The following HPSE2 variants were observed in gnomAD, a reference collection of about 807,000 sequenced individuals.
HPSE2 encodes inactive heparanase-2.
HPSE2 carries 38 observed loss-of-function variants against 60.5 expected under a neutral mutation model. The observed-to-expected ratio is 0.63, with a 90% CI of 0.48 to 0.82. The LOEUF (loss-of-function observed/expected upper bound fraction) is 0.82, where lower values mean the gene tolerates loss of function less well. Among genes scored for constraint, HPSE2 ranks in the 40% least tolerant of loss-of-function variants. The pLI is 0.00. For synonymous variants in HPSE2, 295 were observed against 293.2 expected (o/e 1.01, Z -0.06); for missense variants, 713 against 740.4 (o/e 0.96, Z 0.43).
At position 99,235,661 on chromosome 10, in the gene HPSE2, G is replaced by A; in HGVS notation, c.142C>T (p.Pro48Ser). The change falls in exon 1 of 12, where the codon CCT (proline) becomes TCT (serine). Residue 48 changes from proline to serine, a missense_variant. Pro to Ser is a moderately conservative substitution (Grantham distance 74, BLOSUM62 -1). Transcript: ENST00000370552. Reference sequence around the variant, plus strand: ...TTCAAACCTGCAGCTCTGTCTACAGGCAAGGGTCTCCTGTCTCCAGCCTGG... The same window carrying A: ...TTCAAACCTGCAGCTCTGTCTACAGACAAGGGTCTCCTGTCTCCAGCCTGG... Reference protein sequence around the residue: ...SSQAGDRRPLPVDRAAGLKEK... With the variant: ...SSQAGDRRPLSVDRAAGLKEK... 2 of 1,614,040 alleles carry A rather than the reference G, an allele frequency of 1.2e-6. No individual in the cohort carries two copies. Among genetic ancestry groups the A allele is most frequent in the Middle Eastern group, 1.6e-4 (1 of 6,062 alleles).
At chr10:98,596,989 G>A (rs1445672229) in intron 9 of HPSE2, among the ~76,000 whole-genome samples, 2 of 152,106 alleles carry the variant, frequency 1.3e-5, no homozygotes, top group Non-Finnish European at 2.9e-5. Flanking sequence ...ACAATATGGT[G>A]GAAGGGGAAA....
intron 11 of HPSE2, among the ~76,000 whole-genome samples, chr10:98,475,141 G>A (rs533907240): frequency 1.4e-5 from 2 of 143,072 alleles, no homozygotes; most frequent in East Asian, 4.0e-4. Context: ...TTTTTGAGAC[G>A]GAGTCTCGCT....
At chr10:98,676,201 T>C (rs1310638115) in intron 6 of HPSE2, among the ~76,000 whole-genome samples, 1 of 152,172 alleles carries the variant, frequency 6.6e-6, no homozygotes, top group African/African-American at 2.4e-5. Context: ...GTGGCCAGTG[T>C]TATTAACTAT....
chr10:99,057,090 T>G (rs1467513067), intron 3 of HPSE2, among the ~76,000 whole-genome samples: 1 of 152,184 alleles, frequency 6.6e-6, no homozygotes, highest in Non-Finnish European at 1.5e-5. Flanking sequence ...ACTTTCTGGG[T>G]GATGAAAATG....
intron 9 of HPSE2, among the ~76,000 whole-genome samples, chr10:98,505,163 C>T (rs1325461319): frequency 1.3e-5 from 2 of 152,084 alleles, no homozygotes; most frequent in Non-Finnish European, 2.9e-5. Context: ...ATTCTTGTTC[C>T]TGTTTCCTTA....
chr10:98,702,969 T>C (rs1464884895), intron 5 of HPSE2, among the ~76,000 whole-genome samples: 4 of 151,864 alleles, frequency 2.6e-5, no homozygotes, highest in Non-Finnish European at 5.9e-5. Flanking sequence ...TGAAAAACCC[T>C]TCAAGAAAAA....
chr10:98,546,599 A>T (rs1047539862), intron 9 of HPSE2, among the ~76,000 whole-genome samples: 25 of 151,700 alleles, frequency 1.6e-4, no homozygotes, highest in Admixed American at 5.9e-4. Context: ...CTGGCTAGCC[A>T]TATGTAGAAA....
intron 2 of HPSE2, among the ~76,000 whole-genome samples, chr10:99,222,080 T>C (rs1399538287): frequency 2.6e-5 from 4 of 152,062 alleles, no homozygotes; most frequent in Admixed American, 6.6e-5. Context: ...TTTAGCCCTA[T>C]TTACAAGCAA....
chr10:98,869,473 G>T (rs1952676726), intron 3 of HPSE2, among the ~76,000 whole-genome samples: 1 of 151,988 alleles, frequency 6.6e-6, no homozygotes, highest in Non-Finnish European at 1.5e-5. Flanking sequence ...TTTGGTTTTT[G>T]GGAATTAGCT....
chr10:99,260,822 C>G, the HPSE2 span, among the ~76,000 whole-genome samples: 1 of 152,108 alleles, frequency 6.6e-6, no homozygotes, highest in African/African-American at 2.4e-5. Flanking sequence ...TTTAAACTTA[C>G]CTCCTTCACT....
At chr10:98,847,074 C>T (rs1443563258) in intron 3 of HPSE2, among the ~76,000 whole-genome samples, 1 of 152,188 alleles carries the variant, frequency 6.6e-6, no homozygotes, top group Non-Finnish European at 1.5e-5. Context: ...CATTGTCTGG[C>T]ACAGTCATCT....
chr10:99,109,722 G>T (rs1260642431), intron 3 of HPSE2, among the ~76,000 whole-genome samples: 1 of 152,138 alleles, frequency 6.6e-6, no homozygotes, highest in Non-Finnish European at 1.5e-5. Context: ...TCTACAAAGA[G>T]GTTAAAGATG....
At chr10:98,979,722 A>G (rs1956164895) in intron 3 of HPSE2, among the ~76,000 whole-genome samples, 1 of 152,220 alleles carries the variant, frequency 6.6e-6, no homozygotes, top group Admixed American at 6.5e-5. Context: ...TTTATAGTAC[A>G]GAACTACTAC....
intron 3 of HPSE2, among the ~76,000 whole-genome samples, chr10:98,949,147 C>T (rs1336591280): frequency 6.6e-6 from 1 of 151,882 alleles, no homozygotes; most frequent in African/African-American, 2.4e-5. Flanking sequence ...CATACAAAAA[C>T]AACAATAAAA....
upstream of HPSE2, among the ~76,000 whole-genome samples, chr10:99,239,416 AG>A (rs1849910068): frequency 7.3e-6 from 1 of 137,788 alleles, no homozygotes; most frequent in Non-Finnish European, 1.6e-5. Flanking sequence ...ATGTTTGTCA[AG>A]GTTTTTTTTT....
At chr10:98,997,849 G>T (rs1956684579) in intron 3 of HPSE2, among the ~76,000 whole-genome samples, 1 of 152,198 alleles carries the variant, frequency 6.6e-6, no homozygotes, top group Admixed American at 6.5e-5. Flanking sequence ...GTGAAGACGA[G>T]GAAGGTTGCA....
intron 3 of HPSE2, among the ~76,000 whole-genome samples, chr10:98,791,454 G>A (rs1255844280): frequency 1.3e-5 from 2 of 152,128 alleles, no homozygotes; most frequent in Admixed American, 1.3e-4. Flanking sequence ...TATATGTTTA[G>A]CACATCTGCT....
At chr10:99,116,726 T>C (rs939529862) in intron 3 of HPSE2, among the ~76,000 whole-genome samples, 2 of 151,944 alleles carry the variant, frequency 1.3e-5, no homozygotes, top group African/African-American at 4.8e-5. Flanking sequence ...GACTCCCTAA[T>C]TAGAACACAA....
chr10:98,548,344 C>T (rs11189672), intron 9 of HPSE2, among the ~76,000 whole-genome samples: 1 of 152,054 alleles, frequency 6.6e-6, no homozygotes, highest in African/African-American at 2.4e-5. Flanking sequence ...AGACTGGGTG[C>T]GGTGGCTCAC....
Sources: gnomAD v4.1 joint callset for allele counts (sites outside exome capture counted in the v4.1 genomes callset) on GRCh38, gnomAD v4.1.1 for gene constraint, MANE v1.5 for transcripts, NCBI Gene and HGNC (gene_info 2026-07-23, HGNC 2026-07-21) for gene names.